The following CCDC187 variants were observed in gnomAD, a reference collection of about 807,000 sequenced individuals.
CCDC187 encodes the protein coiled-coil domain containing 187.
A neutral mutation model predicts 38.0 loss-of-function variants in CCDC187; 32 were observed. The ratio of observed to expected loss-of-function variants is 0.84; its 90% confidence interval spans 0.64 to 1.13. The LOEUF (loss-of-function observed/expected upper bound fraction) is 1.13, where lower values mean the gene tolerates loss of function less well. Ranked by LOEUF, CCDC187 falls within the 50% of genes most tolerant of loss-of-function variation. The pLI, the probability that CCDC187 is intolerant of heterozygous loss-of-function variation, is 0.00. For missense variants in CCDC187, 707 were observed against 786.8 expected (o/e 0.90, Z 1.21); for synonymous variants, 333 against 347.9 (o/e 0.96, Z 0.48).
intron 10 of CCDC187, among the ~76,000 whole-genome samples, chr9:136,279,286 G>A: frequency 6.6e-6 from 1 of 152,116 alleles, no homozygotes; most frequent in South Asian, 2.1e-4. Context: ...GCTCTGCTCT[G>A]GGTGTTTAAG....
chr9:136,259,325 G>A, intron 21 of CCDC187, 38 bp downstream of exon 21: 1 of 928,502 alleles, frequency 1.1e-6, no homozygotes, highest in African/African-American at 1.8e-5. Flanking sequence ...CCTGAAACAG[G>A]CGGTGCTGGG....
intron 4 of CCDC187, among the ~76,000 whole-genome samples, chr9:136,295,416 C>G (rs1325120597): frequency 6.6e-6 from 1 of 152,276 alleles, no homozygotes; most frequent in South Asian, 2.1e-4. Flanking sequence ...AATTTTTTTA[C>G]GAGAGGATTT....
At position 136,250,110 on chromosome 9, in the gene CCDC187, T is replaced by C. The variant is rs1830517300; in HGVS notation, c.*3484A>G. ...TCAATATATCTGAATGCCAAAGCCCTCCGCTCTGTATATGTCCTGTTGGGA... is the reference window on the plus strand; with the variant it reads ...TCAATATATCTGAATGCCAAAGCCCCCCGCTCTGTATATGTCCTGTTGGGA... On this transcript the variant is annotated 3_prime_UTR_variant, in exon 26 of 26. Transcript: ENST00000638797. 6.6e-6 allele frequency: 1 copy of C among 152,666 alleles called. No individual in the cohort carries two copies. The highest frequency in any genetic ancestry group is 6.5e-5 in the Admixed American group (1 of 15,330). The allele number at this position is 152,666 out of a possible 1,614,324, so 9.5% of individuals were successfully genotyped here. A position where few individuals can be genotyped will look rare whatever the true frequency, so the allele number is the denominator to read the frequency against.
rs981225741 is a variant in CCDC187, at chr9:136,302,949, G to A, written c.488C>T (p.Ala163Val). Residue 163 changes from alanine (A) to valine (V), a missense_variant, in exon 2 of 26, where the codon GCG becomes GTG. Coordinates refer to ENST00000638797, the MANE Select transcript of CCDC187 (RefSeq NM_001378188.1). ...EQLRDKIRAQ[A>V]WQQGSCASLG... ...GGACGCACAGCTCCCCTGCTGCCAC[G>A]CCTGGGCCCGGATCTTGTCTCTCAG... The A allele has an allele frequency of 5.5e-4, 220 of 398,718 alleles. 1 individual carries two copies. The highest frequency in any genetic ancestry group is 3.9e-3 in the African/African-American group (192 of 48,758). The allele number at this position is 398,718 out of a possible 1,614,324, so 24.7% of individuals were successfully genotyped here. A position where few individuals can be genotyped will look rare whatever the true frequency, so the allele number is the denominator to read the frequency against.
chr9:136,277,565 G>A (rs1050182481), intron 10 of CCDC187, among the ~76,000 whole-genome samples: 13 of 151,972 alleles, frequency 8.6e-5, no homozygotes, highest in Admixed American at 8.5e-4. Flanking sequence ...ACAAGTCCAG[G>A]GCTCTCCTTG....
chr9:136,251,410 G>A lies in CCDC187; in HGVS notation c.*2184C>T, dbSNP rs1393014248. On this transcript the variant is annotated 3_prime_UTR_variant, in exon 26 of 26. Transcript: ENST00000638797. Reference sequence around the variant, plus strand: ...AAATGACCTTGGGCCCTTGAGCCGTGGCTTCCTCTGGTCTGTGCAGCTCAG... The same window carrying A: ...AAATGACCTTGGGCCCTTGAGCCGTAGCTTCCTCTGGTCTGTGCAGCTCAG... 3 of 244,986 alleles carry A rather than the reference G, an allele frequency of 1.2e-5. No homozygotes were observed. Among genetic ancestry groups the A allele is most frequent in the Non-Finnish European group, 1.6e-5 (2 of 121,980 alleles). The allele number at this position is 244,986 out of a possible 1,614,324, so 15.2% of individuals were successfully genotyped here. A position where few individuals can be genotyped will look rare whatever the true frequency, so the allele number is the denominator to read the frequency against.
intron 3 of CCDC187, among the ~76,000 whole-genome samples, chr9:136,299,037 T>C (rs1185912705): frequency 1.3e-5 from 2 of 152,112 alleles, no homozygotes; most frequent in African/African-American, 2.4e-5. Context: ...GAGTGACCCA[T>C]TGCTGGACCC....
chr9:136,293,320 C>G lies in CCDC187; in HGVS notation c.833-1025G>C, dbSNP rs1183233469. On this transcript the variant is annotated intron_variant, in intron 4 of 25. Transcript: ENST00000638797. ...ACAAACACATGTTCACACACTCACA[C>G]TCACATGCTTACACACTCACACTCA... Among the ~76,000 whole-genome samples, 133 of 149,956 alleles carry G rather than the reference C, an allele frequency of 8.9e-4. 1 individual carries two copies. The highest frequency in any genetic ancestry group is 3.6e-3 in the Middle Eastern group (1 of 280).
chr9:136,268,690 TAC>T (rs1554761983), intron 14 of CCDC187, among the ~76,000 whole-genome samples: 1 of 152,156 alleles, frequency 6.6e-6, no homozygotes, highest in African/African-American at 2.4e-5. Context: ...ATCACGTAAA[TAC>T]ACACACACAT....
At position 136,303,080 on chromosome 9, in the gene CCDC187, C is replaced by T. The variant is rs1006717069; in HGVS notation, c.357G>A (p.Ser119=). The change falls in exon 2 of 26, where the codon TCG becomes TCA. Residue 119 remains serine, a synonymous_variant. Transcript: ENST00000638797. ...GDSSVSSGRL[S]CSSGGHDVCV... is the part of the protein sequence containing the mutation. ...ACACGTCGTGGCCCCCCGAAGAGCA[C>T]GAGAGGCGGCCCGATGACACCGAGC... 1.0e-5 allele frequency: 4 copies of T among 398,624 alleles called. No individual in the cohort carries two copies. The highest frequency in any genetic ancestry group is 3.6e-5 in the East Asian group (1 of 28,072). The allele number at this position is 398,624 out of a possible 1,614,324, so 24.7% of individuals were successfully genotyped here. A position where few individuals can be genotyped will look rare whatever the true frequency, so the allele number is the denominator to read the frequency against.
At chr9:136,255,865 G>T in intron 24 of CCDC187, 132 bp from the exon 25 acceptor site, 2 of 318,732 alleles carry the variant, frequency 6.3e-6, no homozygotes, top group Non-Finnish European at 9.1e-6. Flanking sequence ...CCAGTCCTCT[G>T]CCACCACCTG....
Position 136,291,694 on chromosome 9 carries a change from C to T in CCDC187, c.968-49G>A, listed in dbSNP as rs1037891939. The T allele has an allele frequency of 8.6e-3, 3,442 of 398,668 alleles. 24 individuals carry two copies. Among genetic ancestry groups the T allele is most frequent in the Non-Finnish European group, 0.011 (2,400 of 226,130 alleles). 24.7% of individuals were successfully genotyped at this position (398,668 alleles called of 1,614,324 possible). On this transcript the variant is annotated intron_variant, in intron 5 of 25. Transcript: ENST00000638797. ...GTGAGGAGGGGAGCGGAGGGGAGAG[C>T]AAAGCCAGCTCCTCCATCCGGGCTG...
At chr9:136,281,792 C>T in intron 9 of CCDC187, 129 bp from the exon 10 acceptor site, 1 of 397,520 alleles carries the variant, frequency 2.5e-6, no homozygotes, top group Non-Finnish European at 4.4e-6. Context: ...CTCTCAGACC[C>T]CCAACAGTGT....
chr9:136,278,292 C>A (rs913730168), intron 10 of CCDC187, among the ~76,000 whole-genome samples: 3,798 of 152,336 alleles, frequency 0.025, 166 homozygotes, highest in African/African-American at 0.086. Context: ...ACAGATCTCC[C>A]AGCTGTGGCC....
At chr9:136,281,130 C>T (rs1831031440) in intron 10 of CCDC187, 1 of 306,554 alleles carries the variant, frequency 3.3e-6, no homozygotes, top group Admixed American at 5.1e-5. Flanking sequence ...CCCTCAAGCC[C>T]AGGGCTTCAG....
chr9:136,294,475 A>G (rs997696356), intron 4 of CCDC187, among the ~76,000 whole-genome samples: 2,070 of 152,302 alleles, frequency 0.014, 49 homozygotes, highest in African/African-American at 0.048. Flanking sequence ...GGTCAAGACC[A>G]CTGTGGAGTC....
At position 136,250,195 on chromosome 9, in the gene CCDC187, G is replaced by T. The variant is rs1554759093; in HGVS notation, c.*3399C>A. The T allele has an allele frequency of 6.2e-6, 1 of 160,968 alleles. No homozygotes were observed. Among genetic ancestry groups the T allele is most frequent in the Non-Finnish European group, 1.4e-5 (1 of 72,660 alleles). The allele number at this position is 160,968 out of a possible 1,614,324, so 10.0% of individuals were successfully genotyped here. Reference sequence around the variant, plus strand: ...TTTTCTCCGGTGCTCAGAGTAACCTGACGGCTCCGGCCCCCTCCAGGGCCG... The same window carrying T: ...TTTTCTCCGGTGCTCAGAGTAACCTTACGGCTCCGGCCCCCTCCAGGGCCG... On this transcript the variant is annotated 3_prime_UTR_variant, in exon 26 of 26. Coordinates refer to ENST00000638797, the MANE Select transcript of CCDC187 (RefSeq NM_001378188.1).
intron 7 of CCDC187, among the ~76,000 whole-genome samples, 164 bp from the exon 8 acceptor site, chr9:136,286,859 A>G (rs1331208134): frequency 6.6e-6 from 1 of 152,166 alleles, no homozygotes; most frequent in Non-Finnish European, 1.5e-5. Context: ...CACACAACAG[A>G]CCACACAGCT....
chr9:136,273,521 G>C (rs986766248), intron 14 of CCDC187, among the ~76,000 whole-genome samples: 5 of 152,190 alleles, frequency 3.3e-5, no homozygotes, highest in Admixed American at 1.3e-4. Flanking sequence ...AATACACGAA[G>C]CGAAACCTGG....
Sources: gnomAD v4.1 joint callset for allele counts (sites outside exome capture counted in the v4.1 genomes callset) on GRCh38, gnomAD v4.1.1 for gene constraint, MANE v1.5 for transcripts, NCBI Gene and HGNC (gene_info 2026-07-23, HGNC 2026-07-21) for gene names.